Variants in TEX22 observed in about 807,000 individuals in gnomAD.
The protein encoded by TEX22 is testis-expressed protein 22.
In TEX22, 16 loss-of-function variants were observed where a neutral mutation model predicts 11.3. The ratio of observed to expected loss-of-function variants is 1.42; its 90% CI spans 0.96 to 2.15. The LOEUF is 2.15. TEX22 is among the 30% of genes most tolerant of loss of function. The probability of loss-of-function intolerance (pLI) is 0.00; values close to 1 mark genes in which losing one functional copy is unlikely to be tolerated. For missense variants in TEX22, 220 were observed against 208.6 expected (o/e 1.05, Z -0.34); for synonymous variants, 97 against 92.3 (o/e 1.05, Z -0.29).
rs2081696835 is a variant in TEX22 at position 105,412,020 on chromosome 14, G to C, written c.*187G>C. On this transcript the variant is annotated 3_prime_UTR_variant, in exon 4 of 4. Transcript: ENST00000451127. This position sits in a 1 kb window ranked among gnomAD's most constrained non-coding sequence, Gnocchi z 5.8. ...TGAGGCCTTGGAGACCGGGCTAGGG[G>C]CTATGGGAGGCCATCTAGGGGAGGG... The C allele has an allele frequency of 1.9e-6, 1 of 514,200 alleles. No individual in the cohort carries two copies. The highest frequency in any genetic ancestry group is 2.0e-5 in the African/African-American group (1 of 49,846). The allele number at this position is 514,200 out of a possible 1,614,324, so 31.9% of individuals were successfully genotyped here.
chr14:105,409,256 CTT>C (rs1410457993), intron 2 of TEX22, among the ~76,000 whole-genome samples: 23 of 152,170 alleles, frequency 1.5e-4, no homozygotes, highest in Admixed American at 1.2e-3. Flanking sequence ...TTGGTTTATC[CTT>C]TGTTTTGGTG....
intron 2 of TEX22, among the ~76,000 whole-genome samples, chr14:105,402,762 A>T (rs1326091272): frequency 6.6e-6 from 1 of 152,058 alleles, no homozygotes; most frequent in Admixed American, 6.5e-5. Flanking sequence ...TCTCAAAAAA[A>T]AAAAAAAAAA....
At chr14:105,406,930 G>A (rs1230171038) in intron 2 of TEX22, among the ~76,000 whole-genome samples, 1 of 152,006 alleles carries the variant, frequency 6.6e-6, no homozygotes, top group African/African-American at 2.4e-5. Flanking sequence ...AATTTGCACG[G>A]TCATGGTTTG....
chr14:105,401,698 G>T (rs587697099), intron 2 of TEX22, among the ~76,000 whole-genome samples: 23 of 152,186 alleles, frequency 1.5e-4, no homozygotes, highest in South Asian at 4.1e-4. Context: ...AAACCTGCAT[G>T]TTGTGCACAT....
Position 105,402,735 on chromosome 14 carries a change from G to A in TEX22, c.150+3245G>A, listed in dbSNP as rs587658194. ...TGCGCTACTGCACTCCAGCCTGGGC[G>A]ACAGAGCGAGACTCCGTCTCAAAAA... On this transcript the variant is annotated intron_variant, in intron 2 of 3. Transcript: ENST00000451127. Among the ~76,000 whole-genome samples the A allele has an allele frequency of 3.2e-3, 454 of 143,088 alleles. 1 individual carries two copies. Among genetic ancestry groups the A allele is most frequent in the African/African-American group, 0.011 (395 of 36,794 alleles). The allele number at this position is 143,088 out of a possible 152,430, so 93.9% of individuals were successfully genotyped here.
At chr14:105,406,106 GTC>G (rs2081657339) in intron 2 of TEX22, among the ~76,000 whole-genome samples, 1 of 152,158 alleles carries the variant, frequency 6.6e-6, no homozygotes, top group Non-Finnish European at 1.5e-5. Context: ...GTGCGGGTCC[GTC>G]TCTCAAAAAA....
intron 2 of TEX22, among the ~76,000 whole-genome samples, chr14:105,402,734 C>T (rs587773953): frequency 5.6e-4 from 77 of 138,678 alleles, no homozygotes; most frequent in Admixed American, 8.6e-4. Context: ...CCAGCCTGGG[C>T]GACAGAGCGA....
At chr14:105,404,520 C>T (rs587767727) in intron 2 of TEX22, among the ~76,000 whole-genome samples, 7 of 152,246 alleles carry the variant, frequency 4.6e-5, no homozygotes, top group Non-Finnish European at 7.4e-5. Context: ...TTAGTCTATA[C>T]GCTTTAAGAA....
chr14:105,399,613 G>C (rs2081613186), intron 2 of TEX22, 123 bp downstream of exon 2: 1 of 1,117,800 alleles, frequency 8.9e-7, no homozygotes. Context: ...AGTGGGGACT[G>C]ATGAGAAACA....
chr14:105,408,449 A>C (rs1339835542), intron 2 of TEX22, among the ~76,000 whole-genome samples: 1 of 150,804 alleles, frequency 6.6e-6, no homozygotes, highest in Non-Finnish European at 1.5e-5. Flanking sequence ...TTTGAGACAG[A>C]GTCTCGCTCC....
chr14:105,402,695 G>A (rs1362240999), intron 2 of TEX22, among the ~76,000 whole-genome samples: 1 of 150,704 alleles, frequency 6.6e-6, no homozygotes, highest in Non-Finnish European at 1.5e-5. Flanking sequence ...GGCGGAGCTT[G>A]CAGTGAGACG....
chr14:105,406,960 G>A (rs756427722), intron 2 of TEX22, among the ~76,000 whole-genome samples: 7 of 152,112 alleles, frequency 4.6e-5, no homozygotes, highest in Non-Finnish European at 8.8e-5. Context: ...TTCTAAAGAT[G>A]TATTTAAAGC....
chr14:105,402,614 G>C (rs1012919089), intron 2 of TEX22, among the ~76,000 whole-genome samples: 1 of 151,946 alleles, frequency 6.6e-6, no homozygotes, highest in Non-Finnish European at 1.5e-5. Flanking sequence ...AAATTAGCCG[G>C]GCGTGGTGGC....
Position 105,399,284 on chromosome 14 carries a change from CCCTGCTCCT to C in TEX22, c.-39-17_-39-9del. 1 of 1,426,068 alleles carries C rather than the reference CCCTGCTCCT, an allele frequency of 7.0e-7. No individual in the cohort carries two copies. Among genetic ancestry groups the C allele is most frequent in the Non-Finnish European group, 9.4e-7 (1 of 1,064,894 alleles). The allele number at this position is 1,426,068 out of a possible 1,614,324, so 88.3% of individuals were successfully genotyped here. ...GCCTTGTGGGCCCCGCCCCACCTCC[CCCTGCTCCT>C]ACCCCCAGATCTCAGAGGTGTGGAC... On this transcript the variant is annotated splice_polypyrimidine_tract_variant and intron_variant, in intron 1 of 3. Coordinates refer to ENST00000451127, the MANE Select transcript of TEX22 (RefSeq NM_001195082.2).
At chr14:105,402,489 T>C (rs587640255) in intron 2 of TEX22, among the ~76,000 whole-genome samples, 106 of 152,004 alleles carry the variant, frequency 7.0e-4, no homozygotes, top group Non-Finnish European at 6.8e-4. Flanking sequence ...GTGTGGTGGC[T>C]CACGCCTGTA....
intron 2 of TEX22, among the ~76,000 whole-genome samples, chr14:105,406,572 G>T (rs1555418880): frequency 1.3e-5 from 2 of 151,848 alleles, no homozygotes; most frequent in African/African-American, 4.8e-5. Flanking sequence ...TAGCCCGGGT[G>T]GCGTGCCACT....
intron 2 of TEX22, among the ~76,000 whole-genome samples, chr14:105,401,965 C>T (rs1595218008): frequency 6.6e-6 from 1 of 152,186 alleles, no homozygotes; most frequent in South Asian, 2.1e-4. Flanking sequence ...GCAGGCGGAT[C>T]ACCTGAGGTC....
In TEX22 at chr14:105,399,315, G is replaced by A; in HGVS notation, c.-26G>A. The stretch of plus-strand genomic sequence containing the variant: ...TCCTACCCCCAGATCTCAGAGGTGT[G>A]GACAAGCAGCCTACTAGGGCTAGAG... On this transcript the variant is annotated 5_prime_UTR_variant, in exon 2 of 4. Transcript: ENST00000451127. The A allele has an allele frequency of 1.3e-6, 2 of 1,530,082 alleles. No homozygotes were observed. Among genetic ancestry groups the A allele is most frequent in the Non-Finnish European group, 1.7e-6 (2 of 1,143,538 alleles). 94.8% of individuals were successfully genotyped at this position (1,530,082 alleles called of 1,614,324 possible).
At chr14:105,404,491 A>G (rs1478806092) in intron 2 of TEX22, among the ~76,000 whole-genome samples, 1 of 152,260 alleles carries the variant, frequency 6.6e-6, no homozygotes, top group Non-Finnish European at 1.5e-5. Flanking sequence ...CTTGGAGGAC[A>G]GCTCTCACAG....
Sources: allele counts gnomAD v4.1 joint callset (sites outside exome capture counted in the v4.1 genomes callset), GRCh38; gene constraint gnomAD v4.1.1; non-coding constraint Gnocchi (gnomAD v3.1); transcripts MANE v1.5; gene names NCBI Gene and HGNC (gene_info 2026-07-23, HGNC 2026-07-21).